SND1: variants seen among roughly 807,000 people sequenced by gnomAD.
SND1 encodes staphylococcal nuclease and tudor domain containing 1, also known as staphylococcal nuclease domain-containing protein 1.
In SND1, 38 loss-of-function variants were observed where a neutral mutation model predicts 121.7. The ratio of observed to expected loss-of-function variants is 0.31; its 90% CI spans 0.24 to 0.41. The LOEUF (loss-of-function observed/expected upper bound fraction) is 0.41. Among genes scored for constraint, SND1 ranks in the 10% least tolerant of loss-of-function variants. The pLI, the probability that SND1 is intolerant of heterozygous loss-of-function variation, is 1.00. For synonymous variants in SND1, 401 were observed against 447.4 expected (o/e 0.90, Z 1.31); for missense variants, 868 against 1,184.6 (o/e 0.73, Z 3.92).
chr7:128,024,064 C>CTGTG (rs3837141), intron 16 of SND1, among the ~76,000 whole-genome samples: 312 of 149,054 alleles, frequency 2.1e-3, no homozygotes, highest in Admixed American at 9.2e-3. Context: ...TGCTATATTG[C>CTGTG]TGTGTGTGTG....
intron 16 of SND1, among the ~76,000 whole-genome samples, chr7:128,064,856 G>A (rs577881126): frequency 6.6e-6 from 1 of 152,322 alleles, no homozygotes; most frequent in South Asian, 2.1e-4. Flanking sequence ...AGGAAAGGGG[G>A]TGCTTGACTT....
chr7:128,000,353 G>A lies in SND1; in HGVS notation c.1779+9297G>A, dbSNP rs1802796132. Among the ~76,000 whole-genome samples, 6 of 146,828 alleles carry A rather than the reference G, an allele frequency of 4.1e-5. No homozygotes were observed. The Admixed American group carries it at 4.2e-4, about 10-fold the overall frequency. On this transcript the variant is annotated intron_variant, in intron 16 of 23. Coordinates refer to ENST00000354725, the MANE Select transcript of SND1 (RefSeq NM_014390.4). Reference sequence around the variant, plus strand: ...CCCATACAGACTTGAGTGTGAGCTTGCTTTGCTTTTGCTTCTTTTTTTTTT... The same window carrying A: ...CCCATACAGACTTGAGTGTGAGCTTACTTTGCTTTTGCTTCTTTTTTTTTT...
chr7:127,688,476 G>A (rs1795856134), intron 2 of SND1, among the ~76,000 whole-genome samples: 1 of 151,380 alleles, frequency 6.6e-6, no homozygotes, highest in Non-Finnish European at 1.5e-5. Context: ...GGGAGGCTGA[G>A]TGGGGATGAT....
chr7:127,777,370 C>T (rs1797639433), intron 10 of SND1, among the ~76,000 whole-genome samples: 1 of 152,136 alleles, frequency 6.6e-6, no homozygotes, highest in African/African-American at 2.4e-5. Context: ...TGTTGGAAAA[C>T]TCAGAAAGAG....
At position 127,721,352 on chromosome 7, in the gene SND1, TCAC is replaced by T; in HGVS notation, c.1106_1108del (p.His369del). The T allele has an allele frequency of 6.2e-7, 1 of 1,613,566 alleles. No individual in the cohort carries two copies. Among genetic ancestry groups the T allele is most frequent in the Non-Finnish European group, 8.5e-7 (1 of 1,179,812 alleles). ...TGAACTCAGGCGATTACAAGACGAT[TCAC>T]CTGTCCAGCATCCGACCACCGAGGC... On this transcript the variant is annotated inframe_deletion, in exon 10 of 24. Coordinates refer to ENST00000354725, the MANE Select transcript of SND1 (RefSeq NM_014390.4).
intron 10 of SND1, among the ~76,000 whole-genome samples, chr7:127,764,247 TA>T (rs1198989412): frequency 6.6e-6 from 1 of 152,154 alleles, no homozygotes; most frequent in East Asian, 1.9e-4. Flanking sequence ...TTATTGATAA[TA>T]AAAAACACTT....
At chr7:127,962,954 T>TA (rs1403549624) in intron 15 of SND1, among the ~76,000 whole-genome samples, 1 of 152,220 alleles carries the variant, frequency 6.6e-6, no homozygotes, top group Non-Finnish European at 1.5e-5. Context: ...TTAGAGTCTG[T>TA]AAAAAACTTG....
chr7:127,858,372 C>T, intron 12 of SND1: 1 of 1,355,846 alleles, frequency 7.4e-7, no homozygotes, highest in Non-Finnish European at 1.0e-6. Context: ...GCCACTGTCT[C>T]TCTAGGCAAT....
chr7:127,988,130 G>A (rs1010699301), intron 15 of SND1, among the ~76,000 whole-genome samples: 1 of 152,176 alleles, frequency 6.6e-6, no homozygotes, highest in South Asian at 2.1e-4. Context: ...GTTGGTCACA[G>A]TAAGAATAAA....
intron 12 of SND1, among the ~76,000 whole-genome samples, chr7:127,846,937 TTTTA>T (rs1799074753): frequency 6.6e-6 from 1 of 152,140 alleles, no homozygotes; most frequent in Non-Finnish European, 1.5e-5. Flanking sequence ...TTGCTTTTGT[TTTTA>T]TTTATCCTTT....
At position 127,652,400 on chromosome 7, in the gene SND1, C is replaced by G; in HGVS notation, c.27C>G (p.Gly9=). Residue 9 remains glycine (G), a synonymous_variant, in exon 1 of 24, where the codon GGC becomes GGG. Transcript: ENST00000354725. ...TGGCGTCCTCCGCGCAGAGCGGCGG[C>G]TCCTCCGGGGGACCCGCGGTCCCCA... is the stretch of plus-strand genomic sequence containing the variant. MASSAQSG[G]SSGGPAVPTV... 6.3e-7 allele frequency: 1 copy of G among 1,598,448 alleles called. No individual in the cohort carries two copies. Among genetic ancestry groups the G allele is most frequent in the Non-Finnish European group, 8.5e-7 (1 of 1,173,302 alleles).
chr7:127,686,224 G>A (rs531036793), intron 1 of SND1, among the ~76,000 whole-genome samples: 1 of 152,244 alleles, frequency 6.6e-6, no homozygotes, highest in Non-Finnish European at 1.5e-5. Context: ...TTCATTGTTC[G>A]CTTCAATCTG....
At chr7:128,020,965 T>G (rs1803337360) in intron 16 of SND1, among the ~76,000 whole-genome samples, 1 of 152,328 alleles carries the variant, frequency 6.6e-6, no homozygotes, top group South Asian at 2.1e-4. Context: ...CCTGTCCCTC[T>G]GCATCCCCTC....
At chr7:127,885,987 T>G (rs966523823) in intron 12 of SND1, among the ~76,000 whole-genome samples, 2 of 152,082 alleles carry the variant, frequency 1.3e-5, no homozygotes, top group Non-Finnish European at 2.9e-5. Flanking sequence ...GTGACAACCT[T>G]AGTTTAAATC....
At chr7:127,923,332 G>A (rs919439505) in intron 14 of SND1, among the ~76,000 whole-genome samples, 3 of 152,010 alleles carry the variant, frequency 2.0e-5, no homozygotes, top group African/African-American at 7.2e-5. Flanking sequence ...TTGTTTGGGG[G>A]TTTGTTTTTG....
intron 15 of SND1, among the ~76,000 whole-genome samples, chr7:127,968,852 T>C (rs563429835): frequency 2.4e-4 from 37 of 152,162 alleles, no homozygotes; most frequent in Non-Finnish European, 4.6e-4. Context: ...AGGGCACATA[T>C]AGTTTGTTTT....
At chr7:127,742,781 C>T (rs529748903) in intron 10 of SND1, among the ~76,000 whole-genome samples, 4 of 152,240 alleles carry the variant, frequency 2.6e-5, no homozygotes, top group African/African-American at 9.6e-5. Context: ...CAAGATGAAG[C>T]CCCTACTGTG....
At chr7:127,765,713 A>G (rs1463594582) in intron 10 of SND1, among the ~76,000 whole-genome samples, 1 of 152,202 alleles carries the variant, frequency 6.6e-6, no homozygotes. Context: ...AAGGCCTCCA[A>G]TTAAGAAAGA....
chr7:127,723,105 T>C (rs759365732), intron 10 of SND1, among the ~76,000 whole-genome samples: 1 of 152,246 alleles, frequency 6.6e-6, no homozygotes, highest in Non-Finnish European at 1.5e-5. Context: ...TATGTTAATG[T>C]AGACTATATA....
Sources: gnomAD v4.1 joint callset for allele counts (sites outside exome capture counted in the v4.1 genomes callset) on GRCh38, gnomAD v4.1.1 for gene constraint, MANE v1.5 for transcripts, NCBI Gene and HGNC (gene_info 2026-07-23, HGNC 2026-07-21) for gene names.